DRC10: variants seen among roughly 807,000 people sequenced by gnomAD.
DRC10 encodes the protein IQ domain-containing protein D.
the DRC10 span, chr12:113,207,539 G>A: frequency 6.2e-7 from 1 of 1,613,950 alleles, no homozygotes; most frequent in South Asian, 1.1e-5. Context: ...TGTAAGAACT[G>A]GGCCTTATCC....
the DRC10 span, chr12:113,200,831 AGGGCTCCGTTAATACCTCCATGCCCAGCC>A: frequency 6.6e-7 from 1 of 1,509,196 alleles, no homozygotes; most frequent in African/African-American, 1.4e-5. Flanking sequence ...AGGAAGAGAA[AGGGCTCCGTTAATACCTCCATGCCCAGCC>A]GGGCACAGTG....
chr12:113,196,414 T>TCTAA, the DRC10 span, among the ~76,000 whole-genome samples: 1 of 152,174 alleles, frequency 6.6e-6, no homozygotes, highest in Non-Finnish European at 1.5e-5. Context: ...CTTCCTTATG[T>TCTAA]CTAACCATAG....
the DRC10 span, chr12:113,207,655 A>G: frequency 4.3e-6 from 7 of 1,614,076 alleles, no homozygotes; most frequent in Non-Finnish European, 5.9e-6. Flanking sequence ...CTGTGTCTGC[A>G]TCTGCAGGAG....
At chr12:113,208,693 C>A in the DRC10 span, among the ~76,000 whole-genome samples, 1 of 152,098 alleles carries the variant, frequency 6.6e-6, no homozygotes, top group South Asian at 2.1e-4. Context: ...CCCAGAGGAG[C>A]TAGAGACATT....
the DRC10 span, among the ~76,000 whole-genome samples, chr12:113,202,478 C>G: frequency 1.4e-4 from 22 of 152,186 alleles, no homozygotes; most frequent in Non-Finnish European, 2.9e-4. Flanking sequence ...CTGGCTACCC[C>G]CATGTCTGCT....
At chr12:113,197,721 A>G in the DRC10 span, 15 of 714,948 alleles carry the variant, frequency 2.1e-5, no homozygotes, top group Admixed American at 1.5e-4. Context: ...TGCCTCGCCT[A>G]TTGAACAAGG....
At chr12:113,198,336 A>G in the DRC10 span, among the ~76,000 whole-genome samples, 7 of 152,196 alleles carry the variant, frequency 4.6e-5, no homozygotes, top group Non-Finnish European at 8.8e-5. Flanking sequence ...TCACAGAGGG[A>G]GTGTCAGCAA....
the DRC10 span, chr12:113,195,842 C>T: frequency 5.6e-6 from 9 of 1,613,536 alleles, no homozygotes; most frequent in Middle Eastern, 3.3e-4. Flanking sequence ...GCTCCTCCAG[C>T]GAGATCTTCT....
the DRC10 span, among the ~76,000 whole-genome samples, chr12:113,201,523 A>G: frequency 1.3e-5 from 2 of 152,174 alleles, no homozygotes. Context: ...TGGCAGAGAC[A>G]CTTAGTGGGG....
At chr12:113,209,143 G>T in the DRC10 span, among the ~76,000 whole-genome samples, 1 of 131,990 alleles carries the variant, frequency 7.6e-6, no homozygotes, top group Non-Finnish European at 1.6e-5. Context: ...TGTTTGCCAG[G>T]CTGTTCTCAA....
chr12:113,212,168 A>G, the DRC10 span, among the ~76,000 whole-genome samples: 1 of 150,854 alleles, frequency 6.6e-6, no homozygotes, highest in African/African-American at 2.4e-5. Flanking sequence ...CCTCCCAGGT[A>G]CAAGCAGTCT....
At chr12:113,208,678 CA>C in the DRC10 span, among the ~76,000 whole-genome samples, 1 of 152,120 alleles carries the variant, frequency 6.6e-6, no homozygotes, top group Non-Finnish European at 1.5e-5. Context: ...CCACAGCCAT[CA>C]GTTCCCAGAG....
At chr12:113,203,226 T>C in the DRC10 span, 4 of 333,888 alleles carry the variant, frequency 1.2e-5, no homozygotes, top group African/African-American at 2.2e-5. Flanking sequence ...GGTTTTGCCG[T>C]GTTGCCCAGG....
the DRC10 span, chr12:113,207,208 C>T: frequency 1.9e-5 from 11 of 578,786 alleles, no homozygotes; most frequent in Middle Eastern, 4.6e-4. Flanking sequence ...ATTAGCCGGG[C>T]GTGGTGGCAT....
the DRC10 span, among the ~76,000 whole-genome samples, chr12:113,198,601 T>C: frequency 1.3e-5 from 2 of 152,098 alleles, no homozygotes; most frequent in Non-Finnish European, 2.9e-5. Flanking sequence ...AGAAAGCACA[T>C]TAGTGATTGC....
At chr12:113,205,782 G>A in the DRC10 span, among the ~76,000 whole-genome samples, 1 of 151,366 alleles carries the variant, frequency 6.6e-6, no homozygotes, top group South Asian at 2.1e-4. Context: ...CCAGCTACTC[G>A]GGAGGCTGAG....
chr12:113,208,087 G>A, the DRC10 span: 1 of 1,614,244 alleles, frequency 6.2e-7, no homozygotes, highest in African/African-American at 1.3e-5. Flanking sequence ...TGGCCTTTTA[G>A]ATGGGTCTGT....
chr12:113,221,081 G>T, the DRC10 span: 2 of 436,784 alleles, frequency 4.6e-6, no homozygotes, highest in Non-Finnish European at 9.3e-6. Flanking sequence ...CTCAGAAGGC[G>T]AGACTCGGTG....
chr12:113,203,091 T>A, the DRC10 span: 1 of 447,500 alleles, frequency 2.2e-6, no homozygotes, highest in South Asian at 1.6e-5. Context: ...AGTGGTGCGA[T>A]CTCAGCTCCC....
Sources: gnomAD v4.1 joint callset for allele counts (sites outside exome capture counted in the v4.1 genomes callset) on GRCh38, gnomAD v4.1.1 for gene constraint, MANE v1.5 for transcripts, NCBI Gene and HGNC (gene_info 2026-07-23, HGNC 2026-07-21) for gene names.